OR7C1: variants seen among roughly 807,000 people sequenced by gnomAD.
The protein encoded by OR7C1 is olfactory receptor 7C1.
For synonymous variants in OR7C1, 152 were observed against 160.7 expected, an observed-to-expected ratio of 0.95 and a Z score of 0.41; for missense variants, 324 against 383.3, an observed-to-expected ratio of 0.85 and a Z score of 1.29.
chr19:14,827,482 C>T (rs148536488), intron 1 of OR7C1: 1 of 1,613,718 alleles, frequency 6.2e-7, no homozygotes, highest in Admixed American at 1.7e-5. Flanking sequence ...CCTAGGATTG[C>T]ACCATAAAAT....
At chr19:14,822,931 G>T (rs79356776) in intron 1 of OR7C1, among the ~76,000 whole-genome samples, 1 of 151,486 alleles carries the variant, frequency 6.6e-6, no homozygotes, top group Non-Finnish European at 1.5e-5. Context: ...TCATATGTGT[G>T]GTTTGCAAAT....
chr19:14,814,591 T>C (rs1487133277), intron 1 of OR7C1, among the ~76,000 whole-genome samples: 1 of 152,032 alleles, frequency 6.6e-6, no homozygotes, highest in Non-Finnish European at 1.5e-5. Context: ...GCCCAGCTAA[T>C]TTTTGTATTT....
At chr19:14,816,181 A>G (rs1409326685) in intron 1 of OR7C1, among the ~76,000 whole-genome samples, 1 of 152,162 alleles carries the variant, frequency 6.6e-6, no homozygotes, top group Admixed American at 6.5e-5. Context: ...ATAAGTGTAT[A>G]TATCTACTAT....
chr19:14,832,071 G>C (rs775586750), intron 1 of OR7C1, among the ~76,000 whole-genome samples: 5 of 151,988 alleles, frequency 3.3e-5, no homozygotes, highest in Non-Finnish European at 7.4e-5. Context: ...ACCATACCTA[G>C]CTAATTTTGT....
chr19:14,833,535 TG>T (rs1030757212), intron 1 of OR7C1, among the ~76,000 whole-genome samples: 61 of 152,322 alleles, frequency 4.0e-4, no homozygotes, highest in African/African-American at 1.4e-3. Flanking sequence ...ATATGAAATC[TG>T]TGGGTGGGCA....
chr19:14,821,920 T>C (rs1270433145), intron 1 of OR7C1, among the ~76,000 whole-genome samples: 1 of 152,354 alleles, frequency 6.6e-6, no homozygotes, highest in East Asian at 1.9e-4. Flanking sequence ...TATGAGTTCA[T>C]TATCATTTTA....
chr19:14,799,195 G>A (rs780095726), exon 5 of OR7C1: 1 of 1,611,638 alleles, frequency 6.2e-7, no homozygotes, highest in African/African-American at 1.3e-5. Context: ...CTGCAGTGAT[G>A]TCACCATTAA....
chr19:14,803,804 G>A (rs2044653772), intron 2 of OR7C1, among the ~76,000 whole-genome samples: 1 of 151,858 alleles, frequency 6.6e-6, no homozygotes, highest in Non-Finnish European at 1.5e-5. Flanking sequence ...CTGCCTCCTG[G>A]GTTCAAGTGA....
chr19:14,816,220 A>G (rs752487083), intron 1 of OR7C1, among the ~76,000 whole-genome samples: 1 of 152,190 alleles, frequency 6.6e-6, no homozygotes, highest in Non-Finnish European at 1.5e-5. Context: ...TTAAAAAGTT[A>G]AAGAAAGGAG....
intron 1 of OR7C1, among the ~76,000 whole-genome samples, chr19:14,818,102 A>ATTTATTTATTTG (rs1237229176): frequency 1.4e-5 from 2 of 147,822 alleles, no homozygotes; most frequent in African/African-American, 2.6e-5. Context: ...TTATTTATTT[A>ATTTATTTATTTG]TTTTTGAGAC....
chr19:14,827,524 T>C (rs779326501), intron 1 of OR7C1: 11 of 1,613,842 alleles, frequency 6.8e-6, no homozygotes, highest in South Asian at 1.1e-5. Context: ...GATGCACAGG[T>C]GGAAAATGCC....
intron 1 of OR7C1, among the ~76,000 whole-genome samples, chr19:14,818,547 G>T (rs1281747201): frequency 6.6e-6 from 1 of 152,204 alleles, no homozygotes; most frequent in Non-Finnish European, 1.5e-5. Context: ...GGGTTTGTTA[G>T]ATAGTTCCTG....
At chr19:14,821,496 A>G (rs964081054) in intron 1 of OR7C1, 3 of 152,244 alleles carry the variant, frequency 2.0e-5, no homozygotes, top group African/African-American at 7.2e-5. Flanking sequence ...CTTAAAAACA[A>G]AAAACAAAAA....
At chr19:14,828,349 T>A in intron 1 of OR7C1, 1 of 1,250,594 alleles carries the variant, frequency 8.0e-7, no homozygotes, top group Non-Finnish European at 1.1e-6. Context: ...GCCAATAAAT[T>A]ATCTTACATT....
At chr19:14,800,219 T>A in intron 4 of OR7C1, 37 bp downstream of exon 4, 1 of 1,417,566 alleles carries the variant, frequency 7.1e-7, no homozygotes, top group Non-Finnish European at 9.5e-7. Context: ...TGGTTACATT[T>A]AATTTTAAGT....
chr19:14,803,659 C>T (rs953854557), intron 2 of OR7C1, among the ~76,000 whole-genome samples: 3 of 151,806 alleles, frequency 2.0e-5, no homozygotes, highest in Non-Finnish European at 2.9e-5. Context: ...AAAAGGGAAA[C>T]CTTACCAAGG....
intron 1 of OR7C1, among the ~76,000 whole-genome samples, chr19:14,816,112 G>A (rs1242243869): frequency 4.6e-5 from 7 of 152,048 alleles, no homozygotes; most frequent in Admixed American, 2.0e-4. Context: ...GACATGAGCC[G>A]CCATGTTCTG....
At chr19:14,831,018 T>C (rs890455147) in intron 1 of OR7C1, among the ~76,000 whole-genome samples, 2 of 152,240 alleles carry the variant, frequency 1.3e-5, no homozygotes, top group South Asian at 4.1e-4. Context: ...CTCCTTGCAG[T>C]CAGCTCCTTT....
chr19:14,810,338 G>A (rs2044684919), intron 1 of OR7C1, among the ~76,000 whole-genome samples: 1 of 151,186 alleles, frequency 6.6e-6, no homozygotes, highest in African/African-American at 2.5e-5. Flanking sequence ...TTAGACATAT[G>A]GTTTTGTCCC....
Sources: gnomAD v4.1 joint callset for allele counts (sites outside exome capture counted in the v4.1 genomes callset) on GRCh38, gnomAD v4.1.1 for gene constraint, MANE v1.5 for transcripts, NCBI Gene and HGNC (gene_info 2026-07-23, HGNC 2026-07-21) for gene names.